Variants in CELF1 observed in about 807,000 individuals in gnomAD.
CELF1 encodes the protein CUGBP Elav-like family member 1.
In CELF1, 10 loss-of-function variants were observed where a neutral mutation model predicts 61.8. The ratio of observed to expected loss-of-function variants is 0.16; its 90% confidence interval spans 0.10 to 0.27. The LOEUF (loss-of-function observed/expected upper bound fraction) is 0.27. Ranked by LOEUF, CELF1 falls within the 10% of genes least tolerant of loss-of-function variation. The pLI is 1.00. For missense variants in CELF1, 380 were observed against 639.1 expected (o/e 0.59, Z 4.37); for synonymous variants, 236 against 225.1 (o/e 1.05, Z -0.43).
intron 7 of CELF1, 120 bp downstream of exon 7, chr11:47,484,269 G>A: frequency 9.7e-7 from 1 of 1,030,374 alleles, no homozygotes; most frequent in East Asian, 2.5e-5. Flanking sequence ...GAGTTGTGAA[G>A]GCACCACTGC....
intron 3 of CELF1, among the ~76,000 whole-genome samples, chr11:47,492,997 T>C (rs1439615168): frequency 1.3e-5 from 2 of 152,200 alleles, no homozygotes; most frequent in Non-Finnish European, 2.9e-5. Context: ...CCTCTGTTGT[T>C]TGTGTGCCAA....
chr11:47,531,988 C>A (rs1467460012), intron 1 of CELF1, among the ~76,000 whole-genome samples: 1 of 152,002 alleles, frequency 6.6e-6, no homozygotes, highest in Non-Finnish European at 1.5e-5. Flanking sequence ...AAACAGGCTA[C>A]TGAAAAACAT....
intron 13 of CELF1, 23 bp from the exon 14 acceptor site, chr11:47,473,254 A>G (rs1157057828): frequency 6.2e-7 from 1 of 1,608,286 alleles, no homozygotes. Context: ...CAGGAATTGG[A>G]AAAGTATCAG....
chr11:47,510,494 C>T (rs1288876280), intron 1 of CELF1, among the ~76,000 whole-genome samples: 3 of 152,022 alleles, frequency 2.0e-5, no homozygotes, highest in Non-Finnish European at 4.4e-5. Flanking sequence ...GTAAGACTCA[C>T]TGTTTTTTGT....
chr11:47,472,499 T>C (rs2078057438), intron 14 of CELF1, 142 bp from the exon 15 acceptor site: 1 of 879,394 alleles, frequency 1.1e-6, no homozygotes, highest in Admixed American at 2.5e-5. Flanking sequence ...CATTATGTCA[T>C]ACGAAATAAA....
chr11:47,554,850 CG>C (rs2097200457), upstream of CELF1, among the ~76,000 whole-genome samples: 1 of 151,882 alleles, frequency 6.6e-6, no homozygotes, highest in Admixed American at 6.6e-5. Flanking sequence ...TTAGTGGAGA[CG>C]GGGTTTCAAC....
chr11:47,505,912 G>T (rs1317342131), intron 1 of CELF1, among the ~76,000 whole-genome samples: 3 of 145,844 alleles, frequency 2.1e-5, no homozygotes, highest in Non-Finnish European at 4.6e-5. Context: ...TCCAGCCTGG[G>T]TGACAAGAGT....
At chr11:47,541,461 C>T (rs948738282) in intron 1 of CELF1, among the ~76,000 whole-genome samples, 4 of 151,804 alleles carry the variant, frequency 2.6e-5, no homozygotes, top group Admixed American at 6.6e-5. Context: ...GAGGCCAAGG[C>T]GGGTGGATCT....
chr11:47,537,899 GTTTTCTTTT>G (rs1481534560), intron 1 of CELF1, among the ~76,000 whole-genome samples: 18 of 149,844 alleles, frequency 1.2e-4, no homozygotes, highest in African/African-American at 4.2e-4. Flanking sequence ...TAATCATTTT[GTTTTCTTTT>G]TTTTCTTTTC....
intron 1 of CELF1, among the ~76,000 whole-genome samples, chr11:47,542,880 C>A (rs2096844610): frequency 1.3e-5 from 2 of 152,116 alleles, no homozygotes; most frequent in South Asian, 4.1e-4. Flanking sequence ...CACCTGTAAT[C>A]CCAACACTTT....
At chr11:47,564,692 G>T (rs892308444) in intron 1 of CELF1, among the ~76,000 whole-genome samples, 1 of 152,158 alleles carries the variant, frequency 6.6e-6, no homozygotes. Context: ...TCAGGAGGCT[G>T]AGGCAGGAGA....
At chr11:47,539,463 G>A (rs963347960) in intron 1 of CELF1, among the ~76,000 whole-genome samples, 4 of 152,092 alleles carry the variant, frequency 2.6e-5, no homozygotes, top group African/African-American at 7.2e-5. Context: ...ACCAGTCACG[G>A]CTAACATGGT....
intron 1 of CELF1, among the ~76,000 whole-genome samples, chr11:47,551,801 G>A (rs987031050): frequency 1.3e-5 from 2 of 152,158 alleles, no homozygotes; most frequent in African/African-American, 4.8e-5. Context: ...ATCACCCGAG[G>A]TCAGGAGTTC....
intron 10 of CELF1, among the ~76,000 whole-genome samples, chr11:47,478,160 T>C (rs867983548): frequency 6.6e-6 from 1 of 152,176 alleles, no homozygotes; most frequent in Admixed American, 6.5e-5. Flanking sequence ...TCCAAAAATA[T>C]AGCCAACTAT....
At chr11:47,475,801 T>A (rs2079810117) in intron 12 of CELF1, among the ~76,000 whole-genome samples, 1 of 152,214 alleles carries the variant, frequency 6.6e-6, no homozygotes, top group Non-Finnish European at 1.5e-5. Flanking sequence ...ATCTGGCTAT[T>A]CTGCCACTTT....
rs1333888897 is a variant in CELF1, at chr11:47,475,457, C to T, written c.1152G>A (p.Met384Ile). ...SGLSNGTGST[M>I]EALTQAYSGI... ...CCGAGTAGGCCTGAGTGAGGGCCTC[C>T]ATGGTGCTCCCGGTGCCATTGGAAA... Residue 384 changes from methionine to isoleucine, a missense_variant, in exon 13 of 15, where the codon ATG becomes ATA. Physicochemically the swap from Met to Ile is conservative, Grantham distance 10. Coordinates refer to ENST00000687097, the MANE Select transcript of CELF1 (RefSeq NM_001376376.1). 6.2e-7 allele frequency: 1 copy of T among 1,614,078 alleles called. No homozygotes were observed. Among genetic ancestry groups the T allele is most frequent in the Non-Finnish European group, 8.5e-7 (1 of 1,180,038 alleles).
intron 10 of CELF1, 133 bp from the exon 11 acceptor site, chr11:47,477,558 A>C: frequency 1.2e-6 from 1 of 815,402 alleles, no homozygotes; most frequent in Non-Finnish European, 1.9e-6. Flanking sequence ...CTTACAAACA[A>C]CATTACAGGG....
At chr11:47,538,007 G>A (rs574434739) in intron 1 of CELF1, among the ~76,000 whole-genome samples, 33 of 151,220 alleles carry the variant, frequency 2.2e-4, no homozygotes, top group Non-Finnish European at 5.9e-5. Context: ...GTAACCTCCT[G>A]GGCTCAAGGA....
Position 47,499,584 on chromosome 11 carries a change from A to G in CELF1, c.-61T>C. The G allele has an allele frequency of 2.2e-6, 3 of 1,340,084 alleles. No individual in the cohort carries two copies. The South Asian group carries it at 3.8e-5, about 17-fold the overall frequency. 83.0% of individuals were successfully genotyped at this position (1,340,084 alleles called of 1,614,324 possible). A position where few individuals can be genotyped will look rare whatever the true frequency, so the allele number is the denominator to read the frequency against. On this transcript the variant is annotated 5_prime_UTR_variant, in exon 3 of 15. Coordinates refer to ENST00000687097, the MANE Select transcript of CELF1 (RefSeq NM_001376376.1). ...ACTTGCTGCACTTGTCTGATCCACA[A>G]ATACACACAGCTTTAGCTTCCTGGG...
Sources: allele counts gnomAD v4.1 joint callset (sites outside exome capture counted in the v4.1 genomes callset), GRCh38; gene constraint gnomAD v4.1.1; transcripts MANE v1.5; gene names NCBI Gene and HGNC (gene_info 2026-07-23, HGNC 2026-07-21).